The following IAH1 variants were observed in gnomAD, a reference collection of about 807,000 sequenced individuals.
IAH1 encodes the protein isoamyl acetate-hydrolyzing esterase 1 homolog.
Under a neutral mutation model 26.7 loss-of-function variants are expected in IAH1, and 24 were observed. The ratio of observed to expected loss-of-function variants is 0.90; its 90% CI spans 0.65 to 1.26. The LOEUF (loss-of-function observed/expected upper bound fraction) is 1.26. Among genes scored for constraint, IAH1 ranks in the 50% most tolerant of loss-of-function variants. The probability of loss-of-function intolerance (pLI) is 0.00; values close to 1 mark genes in which losing one functional copy is unlikely to be tolerated. For missense variants in IAH1, 300 were observed against 299.9 expected (o/e 1.00, Z 0.00); for synonymous variants, 140 against 118.5 (o/e 1.18, Z -1.18).
At chr2:9,485,064 C>T (rs890003954) in intron 5 of IAH1, 1 of 153,168 alleles carries the variant, frequency 6.5e-6, no homozygotes, top group African/African-American at 2.4e-5. Context: ...TTAGGGAGGA[C>T]CTGGCAGTCC....
At chr2:9,482,988 C>G (rs1661271945) in intron 4 of IAH1, among the ~76,000 whole-genome samples, 1 of 152,200 alleles carries the variant, frequency 6.6e-6, no homozygotes, top group South Asian at 2.1e-4. Context: ...GCCTGCAGCC[C>G]TAACTGCTTT....
intron 5 of IAH1, among the ~76,000 whole-genome samples, chr2:9,487,845 CGCGCGCTGTGGGG>C (rs1558485242): frequency 3.5e-5 from 5 of 142,536 alleles, no homozygotes; most frequent in Non-Finnish European, 7.8e-5. Flanking sequence ...CGCGCGCGCG[CGCGCGCTGTGGGG>C]GGAGACAGTC....
Position 9,478,232 on chromosome 2 carries a change from G to A in IAH1, c.145G>A (p.Val49Ile). 1 of 1,605,996 alleles carries A rather than the reference G, an allele frequency of 6.2e-7. No homozygotes were observed. The highest frequency in any genetic ancestry group is 8.5e-7 in the Non-Finnish European group (1 of 1,177,142). Residue 49 changes from valine to isoleucine, a missense_variant, in exon 3 of 6, where the codon GTT becomes ATT. By Grantham distance (29) the Val-to-Ile change is conservative (BLOSUM62 3). Coordinates refer to ENST00000497473, the MANE Select transcript of IAH1 (RefSeq NM_001039613.3). ...LADRLVRKCD[V>I]LNRGFSGYNT... ...AATTTTTCGTTTCAGAAAATGTGAT[G>A]TTCTGAATCGTGGATTTTCAGGTTA...
At chr2:9,474,457 C>G (rs1682345926), upstream of IAH1, 3 of 558,698 alleles carry the variant, frequency 5.4e-6, no homozygotes, top group African/African-American at 2.0e-5. This position sits in a 1 kb window ranked among gnomAD's most constrained non-coding sequence, Gnocchi z 4.3. Context: ...CGCGCGTCAC[C>G]AAAGTGACTG....
intron 1 of IAH1, 108 bp from the exon 2 acceptor site, chr2:9,475,879 A>G (rs760798508): frequency 7.5e-5 from 68 of 905,888 alleles, no homozygotes; most frequent in Non-Finnish European, 1.2e-4. Context: ...GAAGCAATCA[A>G]AGCCAAGAAG....
the IAH1 span, among the ~76,000 whole-genome samples, chr2:9,504,579 C>T: frequency 6.6e-6 from 1 of 151,874 alleles, no homozygotes; most frequent in South Asian, 2.1e-4. Flanking sequence ...ATCCTGGCCA[C>T]CGTAGTGAAA....
the IAH1 span, among the ~76,000 whole-genome samples, chr2:9,504,252 C>G: frequency 3.4e-3 from 518 of 151,546 alleles, 2 homozygotes; most frequent in African/African-American, 0.012. Flanking sequence ...CGAGACCATC[C>G]TGGCCAACAT....
intron 3 of IAH1, among the ~76,000 whole-genome samples, chr2:9,479,500 G>A (rs1036102542): frequency 2.0e-5 from 3 of 152,094 alleles, no homozygotes; most frequent in Admixed American, 1.3e-4. Context: ...GATAAAAGGC[G>A]AAATTTAACA....
chr2:9,505,423 G>T, the IAH1 span: 1 of 1,517,560 alleles, frequency 6.6e-7, no homozygotes, highest in Non-Finnish European at 9.1e-7. Context: ...GTATTCCCAT[G>T]CAATGTTTGT....
the IAH1 span, among the ~76,000 whole-genome samples, chr2:9,510,490 C>T: frequency 1.3e-5 from 2 of 152,008 alleles, no homozygotes; most frequent in African/African-American, 4.8e-5. Flanking sequence ...ATGGTGAAAC[C>T]CTGTCTCTAC....
the IAH1 span, among the ~76,000 whole-genome samples, chr2:9,503,866 A>T: frequency 1.3e-5 from 2 of 150,074 alleles, no homozygotes; most frequent in African/African-American, 4.9e-5. Context: ...ATAAAAGATT[A>T]TTTGGGCCAG....
chr2:9,475,068 G>GCT (rs1423632910), intron 1 of IAH1: 1 of 1,196,654 alleles, frequency 8.4e-7, no homozygotes, highest in Non-Finnish European at 1.1e-6. Context: ...GGCGCCAGGA[G>GCT]CTCTCTCGCC....
At chr2:9,478,989 G>T (rs987775726) in intron 3 of IAH1, among the ~76,000 whole-genome samples, 1 of 152,074 alleles carries the variant, frequency 6.6e-6, no homozygotes, top group South Asian at 2.1e-4. Context: ...GATTTCTTTT[G>T]TTACCCTACT....
chr2:9,482,677 T>G (rs1054224336), intron 4 of IAH1, among the ~76,000 whole-genome samples: 3 of 152,196 alleles, frequency 2.0e-5, no homozygotes, highest in Non-Finnish European at 2.9e-5. Context: ...AGTTTACTGT[T>G]GAGTGGGGTT....
downstream of IAH1, among the ~76,000 whole-genome samples, chr2:9,501,429 A>T: frequency 6.6e-6 from 1 of 152,304 alleles, no homozygotes; most frequent in East Asian, 1.9e-4. Flanking sequence ...GACACTCCTC[A>T]GTACCCAGAG....
chr2:9,484,215 G>C (rs1661348163), intron 4 of IAH1, among the ~76,000 whole-genome samples: 2 of 152,216 alleles, frequency 1.3e-5, no homozygotes, highest in African/African-American at 4.8e-5. Flanking sequence ...TACCACTGAA[G>C]GCTCCTTCTT....
chr2:9,476,008 TG>T lies in IAH1; in HGVS notation c.107del (p.Gly36GlufsTer15). The T allele has an allele frequency of 2.5e-6, 4 of 1,613,758 alleles. No homozygotes were observed. Among genetic ancestry groups the T allele is most frequent in the Non-Finnish European group, 3.4e-6 (4 of 1,179,922 alleles). On this transcript the variant is annotated frameshift_variant, in exon 2 of 6. Coordinates refer to ENST00000497473, the MANE Select transcript of IAH1 (RefSeq NM_001039613.3). LOFTEE classifies it high-confidence loss of function. Reference sequence around the variant, plus strand: ...CCAGTTTTCCTTCCAGCAGGGTGGATGGGGAGCATCGCTGGCTGACAGGCTG... The same window carrying T: ...CCAGTTTTCCTTCCAGCAGGGTGGATGGGAGCATCGCTGGCTGACAGGCTG... The part of the protein sequence containing the change: ...ITQFSFQQGG[W>X]GASLADRLVR...
At chr2:9,475,761 A>C (rs890788698) in intron 1 of IAH1, 2 of 580,778 alleles carry the variant, frequency 3.4e-6, no homozygotes, top group East Asian at 2.9e-5. Flanking sequence ...TTGGCCTCCC[A>C]AAGTGCTGGG....
intron 3 of IAH1, among the ~76,000 whole-genome samples, chr2:9,479,534 T>G (rs1207901078): frequency 1.3e-5 from 2 of 152,176 alleles, no homozygotes; most frequent in African/African-American, 4.8e-5. Context: ...TGAAAATGTG[T>G]GAAAACTTAT....
Sources: allele counts gnomAD v4.1 joint callset (sites outside exome capture counted in the v4.1 genomes callset), GRCh38; gene constraint gnomAD v4.1.1; non-coding constraint Gnocchi (gnomAD v3.1); transcripts MANE v1.5; gene names NCBI Gene and HGNC (gene_info 2026-07-23, HGNC 2026-07-21).